Variants in BRD1 observed in about 807,000 individuals in gnomAD.
BRD1 encodes bromodomain containing 1, also known as bromodomain-containing protein 1.
In BRD1, 24 loss-of-function variants were observed where a neutral mutation model predicts 107.7. That is an observed-to-expected ratio of 0.22 (90% CI 0.16 to 0.31). The LOEUF (loss-of-function observed/expected upper bound fraction) is 0.31. Among genes scored for constraint, BRD1 ranks in the 10% least tolerant of loss-of-function variants. BRD1 has a pLI of 1.00. For missense variants in BRD1, 1,279 were observed against 1,638.6 expected (o/e 0.78, Z 3.79); for synonymous variants, 744 against 686.1 (o/e 1.08, Z -1.32).
intron 8 of BRD1, among the ~76,000 whole-genome samples, chr22:49,778,358 C>T (rs1215777920): frequency 3.3e-5 from 5 of 152,232 alleles, no homozygotes; most frequent in Admixed American, 2.6e-4. Flanking sequence ...AAAATGCTGA[C>T]GAAACACTTT....
At chr22:49,819,949 G>A (rs2060032869) in intron 2 of BRD1, among the ~76,000 whole-genome samples, 1 of 151,742 alleles carries the variant, frequency 6.6e-6, no homozygotes, top group Non-Finnish European at 1.5e-5. Context: ...GGCCAACATG[G>A]TGAAACCCCG....
intron 7 of BRD1, among the ~76,000 whole-genome samples, chr22:49,790,387 A>G (rs1027557896): frequency 6.6e-6 from 1 of 152,218 alleles, no homozygotes; most frequent in African/African-American, 2.4e-5. Context: ...TCAGGCTGTC[A>G]CTGAACTGCA....
chr22:49,784,701 T>C (rs1456461325), intron 8 of BRD1, among the ~76,000 whole-genome samples: 2 of 152,244 alleles, frequency 1.3e-5, no homozygotes, highest in Non-Finnish European at 2.9e-5. Context: ...GTCCTAAGAC[T>C]GCGAAGAACT....
chr22:49,805,745 T>A (rs1440635717), intron 2 of BRD1: 1 of 150,802 alleles, frequency 6.6e-6, no homozygotes, highest in East Asian at 1.9e-4. Flanking sequence ...GTGAGTCTTT[T>A]TTTTTTTTTT....
intron 6 of BRD1, among the ~76,000 whole-genome samples, chr22:49,797,093 C>T (rs1483463132): frequency 6.6e-6 from 1 of 152,232 alleles, no homozygotes; most frequent in African/African-American, 2.4e-5. Context: ...CACCCTTCGA[C>T]AGACAATCCC....
At chr22:49,798,857 C>T (rs1214825184) in intron 4 of BRD1, 131 bp downstream of exon 4, 9 of 1,444,664 alleles carry the variant, frequency 6.2e-6, no homozygotes, top group Non-Finnish European at 1.8e-6. Flanking sequence ...AGGCACCCAG[C>T]CTGGGCTGAG....
intron 2 of BRD1, among the ~76,000 whole-genome samples, chr22:49,815,228 C>T (rs535349445): frequency 1.3e-5 from 2 of 152,304 alleles, no homozygotes; most frequent in South Asian, 4.1e-4. Context: ...TTTTTATTTG[C>T]TTCAGCTTTT....
Position 49,827,483 on chromosome 22 carries a change from C to G in BRD1, c.-15+14G>C, listed in dbSNP as rs1244448962. The G allele has an allele frequency of 2.8e-5, 4 of 145,018 alleles. No homozygotes were observed. The highest frequency in any genetic ancestry group is 9.9e-5 in the African/African-American group (4 of 40,504). The allele number at this position is 145,018 out of a possible 1,614,324, so 9.0% of individuals were successfully genotyped here. A position where few individuals can be genotyped will look rare whatever the true frequency, so the allele number is the denominator to read the frequency against. On this transcript the variant is annotated intron_variant, in intron 1 of 12. Coordinates refer to ENST00000404760, the MANE Select transcript of BRD1 (RefSeq NM_001304808.3). ...GGCGGGGAGGCCTCCCCGGCCAGGC[C>G]CCCGCCCACTCACCTTCGGGGCGCC...
chr22:49,793,517 A>T (rs1183451280), intron 7 of BRD1, among the ~76,000 whole-genome samples: 1 of 152,220 alleles, frequency 6.6e-6, no homozygotes. Flanking sequence ...CTCGGGGCAG[A>T]CAAGGCCTCT....
intron 7 of BRD1, among the ~76,000 whole-genome samples, chr22:49,793,506 C>T (rs1241596345): frequency 6.6e-6 from 1 of 152,190 alleles, no homozygotes; most frequent in East Asian, 1.9e-4. Flanking sequence ...GGCCGGGGAC[C>T]CTCGGGGCAG....
At chr22:49,793,509 C>A (rs927533053) in intron 7 of BRD1, among the ~76,000 whole-genome samples, 1 of 152,204 alleles carries the variant, frequency 6.6e-6, no homozygotes, top group African/African-American at 2.4e-5. Flanking sequence ...CGGGGACCCT[C>A]GGGGCAGACA....
intron 8 of BRD1, among the ~76,000 whole-genome samples, chr22:49,778,606 G>A (rs2059145653): frequency 1.3e-5 from 2 of 152,258 alleles, no homozygotes; most frequent in Admixed American, 1.3e-4. Context: ...AGTCACAACG[G>A]GGGGATGATG....
intron 8 of BRD1, among the ~76,000 whole-genome samples, chr22:49,782,029 A>G (rs958362867): frequency 1.4e-5 from 2 of 144,300 alleles, no homozygotes; most frequent in Non-Finnish European, 3.0e-5. Context: ...GTGACAATGC[A>G]GCCGGGGACG....
intron 2 of BRD1, among the ~76,000 whole-genome samples, chr22:49,822,178 C>T (rs996673432): frequency 6.6e-6 from 1 of 152,214 alleles, no homozygotes; most frequent in Non-Finnish European, 1.5e-5. Context: ...ATAGTCCTAG[C>T]ACTTTGGGAT....
chr22:49,788,539 A>G (rs1331501184), intron 7 of BRD1, among the ~76,000 whole-genome samples: 1 of 152,242 alleles, frequency 6.6e-6, no homozygotes, highest in East Asian at 1.9e-4. Flanking sequence ...GTCTTTGGAA[A>G]AAGACGGCTT....
chr22:49,775,823 C>G (rs2059076906), intron 11 of BRD1, 78 bp from the exon 12 acceptor site: 1 of 1,361,962 alleles, frequency 7.3e-7, no homozygotes, highest in South Asian at 1.6e-5. Context: ...GCACCCCCCC[C>G]CGCCTCCCCA....
At position 49,784,438 on chromosome 22, in the gene BRD1, A is replaced by T. The variant is rs969015167; in HGVS notation, c.2857+2952T>A. ...ACTGCTGGTGAGCGTGCAGTCACGGAGGAAGGAAGCCACGAGTCAGGGCCA... is the reference window on the plus strand; with the variant it reads ...ACTGCTGGTGAGCGTGCAGTCACGGTGGAAGGAAGCCACGAGTCAGGGCCA... On this transcript the variant is annotated intron_variant, in intron 8 of 12. Transcript: ENST00000404760. Among the ~76,000 whole-genome samples, 7 of 152,276 alleles carry T rather than the reference A, an allele frequency of 4.6e-5. No individual in the cohort carries two copies. In the East Asian group the frequency reaches 1.4e-3, roughly 29 times the overall value.
chr22:49,798,744 C>T (rs961678956), intron 4 of BRD1, 58 bp from the exon 5 acceptor site: 1 of 1,488,052 alleles, frequency 6.7e-7, no homozygotes, highest in Non-Finnish European at 8.9e-7. Flanking sequence ...CTCAGCCCCA[C>T]CACGCGCCCC....
intron 8 of BRD1, among the ~76,000 whole-genome samples, chr22:49,784,304 A>G (rs535348309): frequency 3.3e-5 from 4 of 122,394 alleles, no homozygotes; most frequent in African/African-American, 9.5e-5. Flanking sequence ...GGCGGCGAGT[A>G]GACAAAGACA....
Sources: allele counts gnomAD v4.1 joint callset (sites outside exome capture counted in the v4.1 genomes callset), GRCh38; gene constraint gnomAD v4.1.1; transcripts MANE v1.5; gene names NCBI Gene and HGNC (gene_info 2026-07-23, HGNC 2026-07-21).